Variants in NRXN3 observed in about 807,000 individuals in gnomAD.
The protein encoded by NRXN3 is neurexin 3, also known as neurexin III.
In NRXN3, 32 loss-of-function variants were observed where a neutral mutation model predicts 137.6. The observed-to-expected ratio is 0.23, with a 90% CI of 0.18 to 0.31. The LOEUF (loss-of-function observed/expected upper bound fraction) is 0.31, where lower values mean the gene tolerates loss of function less well. NRXN3 is among the 10% of genes least tolerant of loss of function. NRXN3 has a pLI of 1.00. For missense variants in NRXN3, 1,574 were observed against 2,062.5 expected, an observed-to-expected ratio of 0.76 and a Z score of 4.59; for synonymous variants, 798 against 784.5, an observed-to-expected ratio of 1.02 and a Z score of -0.29.
intron 3 of NRXN3, among the ~76,000 whole-genome samples, chr14:78,281,424 G>A (rs889969922): frequency 3.3e-5 from 5 of 152,208 alleles, no homozygotes; most frequent in African/African-American, 1.2e-4. Flanking sequence ...TTTTACATGT[G>A]GAGGAGATGA....
At chr14:78,922,619 G>A (rs2099273986) in intron 10 of NRXN3, among the ~76,000 whole-genome samples, 1 of 152,134 alleles carries the variant, frequency 6.6e-6, no homozygotes, top group Non-Finnish European at 1.5e-5. Context: ...AACGCCACAT[G>A]TTCTCACTCA....
At chr14:79,105,377 G>T (rs2052216497) in intron 15 of NRXN3, among the ~76,000 whole-genome samples, 1 of 152,086 alleles carries the variant, frequency 6.6e-6, no homozygotes, top group Admixed American at 6.6e-5. Context: ...CTGCATAAAA[G>T]AGTAAAAATT....
chr14:79,076,706 G>A (rs2046034097), intron 15 of NRXN3, among the ~76,000 whole-genome samples: 1 of 152,134 alleles, frequency 6.6e-6, no homozygotes. Flanking sequence ...TTAAGGGGAG[G>A]GAATAATCAA....
At chr14:79,195,166 C>T (rs8011043) in intron 15 of NRXN3, among the ~76,000 whole-genome samples, 36,605 of 152,048 alleles carry the variant, frequency 0.24, 4,780 homozygotes, top group Non-Finnish European at 0.3. Flanking sequence ...GACCCCATGA[C>T]AAGATGCTCC....
intron 16 of NRXN3, among the ~76,000 whole-genome samples, chr14:79,581,137 C>G (rs534036508): frequency 6.6e-6 from 1 of 152,202 alleles, no homozygotes; most frequent in Admixed American, 6.5e-5. Flanking sequence ...CAGCTCAACT[C>G]TAGAGGCAGT....
At chr14:79,278,586 T>C (rs946780584) in intron 15 of NRXN3, among the ~76,000 whole-genome samples, 2 of 152,216 alleles carry the variant, frequency 1.3e-5, no homozygotes, top group African/African-American at 4.8e-5. Flanking sequence ...CACTTCTCTT[T>C]GAGCCAGCCG....
chr14:78,555,611 C>G (rs577878346), intron 4 of NRXN3, among the ~76,000 whole-genome samples: 1 of 152,190 alleles, frequency 6.6e-6, no homozygotes, highest in Non-Finnish European at 1.5e-5. Flanking sequence ...TGATCTTGAA[C>G]AAATCATTCT....
chr14:78,446,962 A>G (rs1419469973), intron 4 of NRXN3, among the ~76,000 whole-genome samples: 3 of 152,188 alleles, frequency 2.0e-5, no homozygotes, highest in East Asian at 3.8e-4. Context: ...TTTACTCGCC[A>G]TTTAAAGAAT....
At chr14:79,269,752 C>G (rs1490583674) in intron 15 of NRXN3, among the ~76,000 whole-genome samples, 1 of 152,028 alleles carries the variant, frequency 6.6e-6, no homozygotes, top group Non-Finnish European at 1.5e-5. Flanking sequence ...GAGGAAAATG[C>G]CCTCTCAGAT....
At chr14:78,676,700 G>C (rs1602280991) in intron 6 of NRXN3, among the ~76,000 whole-genome samples, 1 of 152,128 alleles carries the variant, frequency 6.6e-6, no homozygotes, top group Non-Finnish European at 1.5e-5. Flanking sequence ...CCTTCTATTG[G>C]ATAAGAAACC....
At chr14:79,737,906 C>T (rs1220137205) in intron 19 of NRXN3, among the ~76,000 whole-genome samples, 1 of 152,108 alleles carries the variant, frequency 6.6e-6, no homozygotes, top group South Asian at 2.1e-4. Context: ...AAAATCAAGA[C>T]TACTTCCAAA....
chr14:79,629,320 T>C (rs1203112838), intron 16 of NRXN3, among the ~76,000 whole-genome samples: 1 of 152,202 alleles, frequency 6.6e-6, no homozygotes, highest in Non-Finnish European at 1.5e-5. Flanking sequence ...GTAAACATAA[T>C]GCTATGCTGG....
intron 15 of NRXN3, among the ~76,000 whole-genome samples, chr14:79,289,360 C>T (rs948774975): frequency 6.6e-6 from 1 of 152,202 alleles, no homozygotes; most frequent in Non-Finnish European, 1.5e-5. Flanking sequence ...GTGGCTCATG[C>T]CTGTAATCCC....
intron 19 of NRXN3, among the ~76,000 whole-genome samples, chr14:79,793,104 C>A (rs896039893): frequency 1.3e-5 from 2 of 152,130 alleles, no homozygotes; most frequent in African/African-American, 4.8e-5. Flanking sequence ...AGTGCTGTTT[C>A]CTCCTGGTAC....
intron 2 of NRXN3, among the ~76,000 whole-genome samples, chr14:78,244,448 A>G (rs182285768): frequency 0.022 from 3,350 of 151,908 alleles, 42 homozygotes; most frequent in African/African-American, 0.027. Flanking sequence ...AAAAAAAAAA[A>G]GAAAAGAAAT....
intron 15 of NRXN3, chr14:79,280,318 G>A: frequency 6.2e-7 from 1 of 1,614,058 alleles, no homozygotes; most frequent in Non-Finnish European, 8.5e-7. Flanking sequence ...ACGCGAGACG[G>A]AGCCCTCCTC....
rs1314935721 is a variant in NRXN3 at position 79,697,780 on chromosome 14, T to C, written c.3857T>C (p.Ile1286Thr). 2 of 1,613,126 alleles carry C rather than the reference T, an allele frequency of 1.2e-6. No homozygotes were observed. The highest frequency in any genetic ancestry group is 8.5e-7 in the Non-Finnish European group (1 of 1,179,456). Residue 1286 changes from isoleucine to threonine, a missense_variant, in exon 19 of 21, where the codon ATC (isoleucine) becomes ACC (threonine). Physicochemically the swap from Ile to Thr is moderately conservative, Grantham distance 89 (BLOSUM62 -1). This residue lies in a region of NRXN3 where 320 missense variants were observed against 387.1 expected (regional missense o/e 0.83). Transcript: ENST00000335750. The stretch of plus-strand genomic sequence containing the variant: ...GCTGAGAACAACCCCAATATTAAAA[T>C]CAATGGAAGTGTTCGGCTGGTTGGA... ...MAAENNPNIK[I>T]NGSVRLVGEV...
At chr14:79,258,174 T>C (rs955647173) in intron 15 of NRXN3, among the ~76,000 whole-genome samples, 11 of 152,204 alleles carry the variant, frequency 7.2e-5, no homozygotes, top group Non-Finnish European at 1.2e-4. Context: ...ACAAAAATTG[T>C]TAAGCTTCAT....
At chr14:79,803,341 C>T (rs1422590503) in intron 19 of NRXN3, among the ~76,000 whole-genome samples, 2 of 152,068 alleles carry the variant, frequency 1.3e-5, no homozygotes, top group Non-Finnish European at 2.9e-5. Flanking sequence ...GACCAGGTGG[C>T]TTAGACAATA....
Sources: gnomAD v4.1 joint callset for allele counts (sites outside exome capture counted in the v4.1 genomes callset) on GRCh38, gnomAD v4.1.1 for gene constraint, gnomAD v4.1.1 regional missense constraint, MANE v1.5 for transcripts, NCBI Gene and HGNC (gene_info 2026-07-23, HGNC 2026-07-21) for gene names.